The following DAB1 variants were observed in gnomAD, a reference collection of about 807,000 sequenced individuals.
DAB1 encodes the protein DAB adaptor protein 1.
Under a neutral mutation model 64.6 loss-of-function variants are expected in DAB1, and 15 were observed. The ratio of observed to expected loss-of-function variants is 0.23; its 90% confidence interval spans 0.16 to 0.36. The LOEUF is 0.36. Ranked by LOEUF, DAB1 falls within the 10% of genes least tolerant of loss-of-function variation. The pLI, the probability that DAB1 is intolerant of heterozygous loss-of-function variation, is 1.00. For synonymous variants in DAB1, 235 were observed against 251.9 expected (o/e 0.93, Z 0.64); for missense variants, 596 against 706.7 (o/e 0.84, Z 1.78).
intron 1 of DAB1, chr1:57,880,226 C>A (rs552724452): frequency 6.6e-6 from 1 of 152,142 alleles, no homozygotes; most frequent in East Asian, 1.9e-4. Flanking sequence ...TGCTACAAAG[C>A]TGGAGATCTA....
chr1:57,960,493 T>TAAAAA, intron 5 of DAB1, among the ~76,000 whole-genome samples: 1 of 139,550 alleles, frequency 7.2e-6, no homozygotes, highest in Non-Finnish European at 1.5e-5. Flanking sequence ...GGAACCAAAT[T>TAAAAA]AAAAAAAAAA....
At chr1:57,244,726 G>A (rs908272086) in intron 2 of DAB1, among the ~76,000 whole-genome samples, 2 of 152,170 alleles carry the variant, frequency 1.3e-5, no homozygotes, top group Non-Finnish European at 2.9e-5. Flanking sequence ...AACACTCTGA[G>A]TCTCCATTTC....
chr1:57,418,441 GA>G (rs1230378288), intron 1 of DAB1, among the ~76,000 whole-genome samples: 2 of 152,176 alleles, frequency 1.3e-5, no homozygotes, highest in Non-Finnish European at 2.9e-5. Flanking sequence ...TGCAGAGACT[GA>G]CCAACAAAGA....
At chr1:57,210,066 A>G (rs991932217) in intron 2 of DAB1, among the ~76,000 whole-genome samples, 18 of 152,194 alleles carry the variant, frequency 1.2e-4, no homozygotes, top group Admixed American at 1.3e-4. Flanking sequence ...TGAGATAATA[A>G]TGCCTAACTT....
chr1:57,119,265 T>C (rs1473265200), intron 4 of DAB1, among the ~76,000 whole-genome samples: 1 of 152,200 alleles, frequency 6.6e-6, no homozygotes, highest in African/African-American at 2.4e-5. Flanking sequence ...TCAGCAGATA[T>C]GAATTACAAC....
At chr1:57,832,286 C>T (rs1411747858) in intron 1 of DAB1, among the ~76,000 whole-genome samples, 4 of 152,120 alleles carry the variant, frequency 2.6e-5, no homozygotes, top group African/African-American at 9.7e-5. Context: ...GAGATACTTC[C>T]TATCTCTCTT....
At chr1:58,406,005 G>A (rs897370315) in intron 3 of DAB1, among the ~76,000 whole-genome samples, 3 of 152,232 alleles carry the variant, frequency 2.0e-5, no homozygotes, top group East Asian at 1.9e-4. Context: ...GTTAGGCACT[G>A]TGCTGCGTGT....
At chr1:57,925,334 T>C (rs1435395405) in intron 5 of DAB1, among the ~76,000 whole-genome samples, 2 of 152,230 alleles carry the variant, frequency 1.3e-5, no homozygotes, top group Non-Finnish European at 2.9e-5. Flanking sequence ...ACTGGTTATA[T>C]TCTGACAGGT....
chr1:58,071,936 T>C (rs1340878974), intron 5 of DAB1, among the ~76,000 whole-genome samples: 1 of 152,092 alleles, frequency 6.6e-6, no homozygotes, highest in Non-Finnish European at 1.5e-5. Flanking sequence ...CAAAACCAAC[T>C]ATAATTCCCA....
chr1:57,026,295 C>T (rs567278047), intron 9 of DAB1, among the ~76,000 whole-genome samples: 1 of 152,192 alleles, frequency 6.6e-6, no homozygotes, highest in Non-Finnish European at 1.5e-5. Context: ...TTAATCACTT[C>T]CCATAAGCAG....
chr1:57,074,356 T>G (rs1441221431), intron 4 of DAB1, among the ~76,000 whole-genome samples: 1 of 152,182 alleles, frequency 6.6e-6, no homozygotes, highest in Non-Finnish European at 1.5e-5. Context: ...GAGAAAATTA[T>G]GAAAACATTG....
intron 3 of DAB1, among the ~76,000 whole-genome samples, chr1:58,364,604 G>A (rs978406261): frequency 1.3e-5 from 2 of 152,072 alleles, no homozygotes; most frequent in Non-Finnish European, 2.9e-5. Flanking sequence ...AGTTACTCCC[G>A]AATATTCTGT....
intron 8 of DAB1, 105 bp downstream of exon 8, chr1:57,069,255 A>G (rs543610353): frequency 2.8e-5 from 26 of 924,086 alleles, no homozygotes; most frequent in Non-Finnish European, 4.5e-5. Context: ...AGGTATTTTA[A>G]CAAGCCAGGA....
At chr1:57,085,902 T>C (rs1653025988) in intron 4 of DAB1, among the ~76,000 whole-genome samples, 1 of 152,106 alleles carries the variant, frequency 6.6e-6, no homozygotes, top group South Asian at 2.1e-4. Flanking sequence ...ACTAAATTAG[T>C]AGGAACTGAC....
chr1:57,681,524 G>T (rs991846336), intron 6 of DAB1, among the ~76,000 whole-genome samples: 2 of 152,090 alleles, frequency 1.3e-5, no homozygotes, highest in African/African-American at 4.8e-5. Context: ...GTAACCATGG[G>T]TCTTTAAATA....
intron 5 of DAB1, among the ~76,000 whole-genome samples, chr1:58,064,687 ATTTATTTATGTATTTATTTATGTAT>A (rs1157805133): frequency 7.0e-5 from 8 of 113,998 alleles, no homozygotes; most frequent in African/African-American, 2.7e-4. Flanking sequence ...AAATTTTTTT[ATTTATTTATGTATTTATTTATGTAT>A]TTATGTATTT....
intron 5 of DAB1, among the ~76,000 whole-genome samples, chr1:58,061,643 C>T (rs577058765): frequency 3.2e-4 from 49 of 152,238 alleles, no homozygotes; most frequent in African/African-American, 1.1e-3. Context: ...TCTAAGGCAC[C>T]GAATGTTAGG....
intron 4 of DAB1, among the ~76,000 whole-genome samples, chr1:58,211,842 C>T (rs1350821078): frequency 6.6e-6 from 1 of 152,128 alleles, no homozygotes; most frequent in Non-Finnish European, 1.5e-5. Context: ...AAAGTCAATG[C>T]TCTTTACTCT....
At chr1:58,484,301 T>A (rs1645538182) in intron 3 of DAB1, among the ~76,000 whole-genome samples, 2 of 152,176 alleles carry the variant, frequency 1.3e-5, no homozygotes. Context: ...TTTTCTCACC[T>A]CCATTTGGAG....
Sources: gnomAD v4.1 joint callset for allele counts (sites outside exome capture counted in the v4.1 genomes callset) on GRCh38, gnomAD v4.1.1 for gene constraint, MANE v1.5 for transcripts, NCBI Gene and HGNC (gene_info 2026-07-23, HGNC 2026-07-21) for gene names.